HPX: variants seen among roughly 807,000 people sequenced by gnomAD.
HPX encodes hemopexin.
In HPX, 42 loss-of-function variants were observed where a neutral mutation model predicts 53.8. That is an observed-to-expected ratio of 0.78 (90% CI 0.61 to 1.01). The LOEUF (loss-of-function observed/expected upper bound fraction) is 1.01, where lower values mean the gene tolerates loss of function less well. Ranked by LOEUF, HPX falls within the 50% of genes least tolerant of loss-of-function variation. HPX has a pLI of 0.00. For missense variants in HPX, 547 were observed against 594.3 expected (o/e 0.92, Z 0.83); for synonymous variants, 229 against 221.1 (o/e 1.04, Z -0.32).
chr11:6,437,240 G>A (rs1219492557), intron 6 of HPX, 63 bp from the exon 7 acceptor site: 7 of 1,560,898 alleles, frequency 4.5e-6, no homozygotes, highest in African/African-American at 1.4e-5. Flanking sequence ...GAGGTCCAAG[G>A]TGGAAGAGAT....
In HPX at chr11:6,440,679, G is replaced by T. The variant is rs141356923; in HGVS notation, c.135C>A (p.Asp45Glu). 1.2e-6 allele frequency: 2 copies of T among 1,612,066 alleles called. No homozygotes were observed. Among genetic ancestry groups the T allele is most frequent in the South Asian group, 1.1e-5 (1 of 91,006 alleles). ...VAEGETKPDP[D>E]VTERCSDGWS... is the part of the protein sequence containing the mutation. Reference sequence around the variant, plus strand: ...AGGGAGTCAGGGCCTCACCAGTCACGTCTGGGTCTGGCTTGGTCTCGCCTT... The same window carrying T: ...AGGGAGTCAGGGCCTCACCAGTCACTTCTGGGTCTGGCTTGGTCTCGCCTT... Residue 45 changes from aspartate (D) to glutamate (E), a missense_variant, in exon 2 of 10, where the codon GAC becomes GAA. By Grantham distance (45) the Asp-to-Glu change is conservative (BLOSUM62 2). Coordinates refer to ENST00000265983, the MANE Select transcript of HPX (RefSeq NM_000613.3).
chr11:6,431,792 T>C lies in HPX; in HGVS notation c.978A>G (p.Val326=), dbSNP rs377761910. 6.4e-5 allele frequency: 104 copies of C among 1,614,040 alleles called. No homozygotes were observed. Among genetic ancestry groups the C allele is most frequent in the Non-Finnish European group, 7.9e-5 (93 of 1,180,044 alleles). The change falls in exon 9 of 10, where the codon GTA becomes GTG. Residue 326 remains valine, a synonymous_variant. Coordinates refer to ENST00000265983, the MANE Select transcript of HPX (RefSeq NM_000613.3). ...EKLYLVQGTQ[V]YVFLTKGGYT... is the part of the protein sequence containing the mutation. ...AGCCTCCCTTTGTCAGGAAGACATA[T>C]ACCTGGGTGCCCTGGAGGACAAAGG... is the stretch of plus-strand genomic sequence containing the variant.
At chr11:6,437,948 A>T in intron 5 of HPX, 1 of 542,208 alleles carries the variant, frequency 1.8e-6, no homozygotes, top group Non-Finnish European at 3.3e-6. Flanking sequence ...CCCCAGAGAG[A>T]GGAAAGATTC....
chr11:6,440,942 G>A lies in HPX; in HGVS notation c.22C>T (p.Pro8Ser). MARVLGAPVALGLWSLCW... is the reference protein window; with the variant it reads MARVLGASVALGLWSLCW... The stretch of plus-strand genomic sequence containing the variant: ...AGGCTCCACAACCCCAGTGCAACGG[G>A]TGCTCCCAGTACCCTAGCCATGCTG... Residue 8 changes from proline to serine, a missense_variant, in exon 1 of 10, where the codon CCC becomes TCC. Physicochemically the swap from Pro to Ser is moderately conservative, Grantham distance 74 (BLOSUM62 -1). Transcript: ENST00000265983. 1.2e-6 allele frequency: 2 copies of A among 1,608,316 alleles called. No individual in the cohort carries two copies. Among genetic ancestry groups the A allele is most frequent in the Non-Finnish European group, 1.7e-6 (2 of 1,177,128 alleles).
chr11:6,438,289 C>CCATCACTA, intron 5 of HPX, 67 bp downstream of exon 5: 1 of 1,496,046 alleles, frequency 6.7e-7, no homozygotes, highest in Non-Finnish European at 9.2e-7. Context: ...ACCACTATCA[C>CCATCACTA]CATCACTACT....
chr11:6,433,529 T>C (rs1849377590), intron 7 of HPX, among the ~76,000 whole-genome samples: 2 of 152,222 alleles, frequency 1.3e-5, no homozygotes, highest in South Asian at 4.1e-4. Flanking sequence ...TATATCATGG[T>C]GATTCCTCAC....
Position 6,438,450 on chromosome 11 carries a change from G to A in HPX, c.396C>T (p.Leu132=). ...ATGGGATTCCAGGAAATTCATCTTGGAGCAACTTTGGGTATCCTTTCTCCT... is the reference window on the plus strand; with the variant it reads ...ATGGGATTCCAGGAAATTCATCTTGAAGCAACTTTGGGTATCCTTTCTCCT... ...EKKEKGYPKL[L]QDEFPGIPSP... Residue 132 remains leucine, a synonymous_variant, in exon 5 of 10, where the codon CTC becomes CTT. Coordinates refer to ENST00000265983, the MANE Select transcript of HPX (RefSeq NM_000613.3). 1 of 1,614,088 alleles carries A rather than the reference G, an allele frequency of 6.2e-7. No individual in the cohort carries two copies. The highest frequency in any genetic ancestry group is 8.5e-7 in the Non-Finnish European group (1 of 1,179,954).
intron 7 of HPX, among the ~76,000 whole-genome samples, chr11:6,432,836 C>T (rs1849367185): frequency 6.6e-6 from 1 of 152,156 alleles, no homozygotes; most frequent in African/African-American, 2.4e-5. Flanking sequence ...CTCTTCTCTT[C>T]TCTCTCTACC....
chr11:6,437,594 T>G lies in HPX; in HGVS notation c.549A>C (p.Pro183=). The change falls in exon 6 of 10, where the codon CCA becomes CCC. Residue 183 remains proline (P), a synonymous_variant. Transcript: ENST00000265983. The stretch of plus-strand genomic sequence containing the variant: ...GGGCAGAGGAGCAGTTCCCAACAGC[T>G]GGCCAGGAACGCTCCTTCATGGTTC... The part of the protein sequence containing the change: ...ATGTMKERSW[P]AVGNCSSALR... The G allele has an allele frequency of 6.2e-7, 1 of 1,614,210 alleles. No individual in the cohort carries two copies.
chr11:6,435,016 G>A (rs565784042), intron 7 of HPX, among the ~76,000 whole-genome samples: 2 of 152,030 alleles, frequency 1.3e-5, no homozygotes, highest in African/African-American at 4.8e-5. Context: ...ATCACCTGAG[G>A]TCAGGAGTTC....
At chr11:6,432,050 T>C in intron 7 of HPX, 33 bp from the exon 8 acceptor site, 1 of 1,613,160 alleles carries the variant, frequency 6.2e-7, no homozygotes, top group Non-Finnish European at 8.5e-7. Flanking sequence ...CTAGGGCCGC[T>C]GGCAGAAGCC....
rs762793714 is a variant in HPX, at chr11:6,437,671, C to T, written c.491-19G>A. 1.9e-6 allele frequency: 3 copies of T among 1,609,124 alleles called. No homozygotes were observed. Among genetic ancestry groups the T allele is most frequent in the East Asian group, 2.2e-5 (1 of 44,846 alleles). Reference sequence around the variant, plus strand: ...CGGTCACCTTTGTCCAATCAATCAACAGGCATTTGGTGAGACCGGGTTACG... The same window carrying T: ...CGGTCACCTTTGTCCAATCAATCAATAGGCATTTGGTGAGACCGGGTTACG... On this transcript the variant is annotated intron_variant, in intron 5 of 9. Coordinates refer to ENST00000265983, the MANE Select transcript of HPX (RefSeq NM_000613.3).
chr11:6,440,256 T>A lies in HPX; in HGVS notation c.245A>T (p.Asp82Val), dbSNP rs1849465239. 1 of 1,613,630 alleles carries A rather than the reference T, an allele frequency of 6.2e-7. No homozygotes were observed. Among genetic ancestry groups the A allele is most frequent in the Non-Finnish European group, 8.5e-7 (1 of 1,179,972 alleles). The change falls in exon 4 of 10, where the codon GAC becomes GTC. Residue 82 changes from aspartate (D) to valine (V), a missense_variant. Transcript: ENST00000265983. ...GEFVWKSHKW[D>V]RELISERWKN... The stretch of plus-strand genomic sequence containing the variant: ...CCATCTCTCTGAGATTAACTCCCGG[T>A]CCCATTTGTGACTCTTCCACACAAA...
intron 4 of HPX, among the ~76,000 whole-genome samples, chr11:6,439,186 G>A (rs1849454312): frequency 6.6e-6 from 1 of 152,224 alleles, no homozygotes; most frequent in Non-Finnish European, 1.5e-5. Context: ...GGAGCAGCAT[G>A]CAGAGCCCAA....
In HPX at chr11:6,431,481, G is replaced by A. The variant is rs777850947; in HGVS notation, c.1130-11C>T. The stretch of plus-strand genomic sequence containing the variant: ...ACCACAGCCGCCGTCCTGGGGAGAA[G>A]GCACCAAACATAGCATGGCTTCCAT... On this transcript the variant is annotated splice_polypyrimidine_tract_variant and intron_variant, in intron 9 of 9. Transcript: ENST00000265983. 6.2e-7 allele frequency: 1 copy of A among 1,614,014 alleles called. No individual in the cohort carries two copies. Among genetic ancestry groups the A allele is most frequent in the Non-Finnish European group, 8.5e-7 (1 of 1,179,924 alleles).
intron 7 of HPX, among the ~76,000 whole-genome samples, chr11:6,432,883 T>G (rs1849367586): frequency 6.6e-6 from 1 of 152,190 alleles, no homozygotes; most frequent in Non-Finnish European, 1.5e-5. Flanking sequence ...TCCAGGGGCT[T>G]TAAATGCCAT....
chr11:6,432,196 G>A (rs1186665988), intron 7 of HPX, 179 bp from the exon 8 acceptor site: 3 of 665,184 alleles, frequency 4.5e-6, no homozygotes, highest in East Asian at 2.7e-5. Flanking sequence ...TGGGCACTGT[G>A]CCCTGGCTGA....
chr11:6,431,833 G>C (rs531418152), intron 8 of HPX, 30 bp from the exon 9 acceptor site: 3 of 1,613,954 alleles, frequency 1.9e-6, no homozygotes, highest in Non-Finnish European at 2.5e-6. Context: ...AATAAATACA[G>C]AGTTGGATAT....
chr11:6,439,578 T>C (rs890109298), intron 4 of HPX: 11 of 169,636 alleles, frequency 6.5e-5, no homozygotes, highest in African/African-American at 2.4e-4. Context: ...AAGGCTAGGA[T>C]GGATCCCCAA....
Sources: gnomAD v4.1 joint callset for allele counts (sites outside exome capture counted in the v4.1 genomes callset) on GRCh38, gnomAD v4.1.1 for gene constraint, MANE v1.5 for transcripts, NCBI Gene and HGNC (gene_info 2026-07-23, HGNC 2026-07-21) for gene names.